ANO7: variants seen among roughly 807,000 people sequenced by gnomAD.
ANO7 encodes the protein anoctamin-7.
In ANO7, 114 loss-of-function variants were observed where a neutral mutation model predicts 115.8. The ratio of observed to expected loss-of-function variants is 0.98; its 90% CI spans 0.85 to 1.15. The LOEUF is 1.15. Among genes scored for constraint, ANO7 ranks in the 50% most tolerant of loss-of-function variants. ANO7 has a pLI of 0.00. For missense variants in ANO7, 1,302 were observed against 1,201.2 expected (o/e 1.08, Z -1.24); for synonymous variants, 550 against 498.2 (o/e 1.10, Z -1.38).
intron 20 of ANO7, 28 bp from the exon 21 acceptor site, chr2:241,218,211 G>T (rs201395653): frequency 1.5e-6 from 2 of 1,360,598 alleles, no homozygotes; most frequent in Non-Finnish European, 1.9e-6. Context: ...AGCGGGGGCC[G>T]CCTCGCGCTG....
rs1189000729 is a variant in ANO7, at chr2:241,192,440, C to A, written c.166+1189C>A. Among the ~76,000 whole-genome samples, 3 of 152,288 alleles carry A rather than the reference C, an allele frequency of 2.0e-5. No individual in the cohort carries two copies. In the South Asian group the frequency reaches 6.2e-4, roughly 32 times the overall value. On this transcript the variant is annotated intron_variant, in intron 3 of 24. Transcript: ENST00000674324. ...TGAGGCAGGGCTGGTGGCTTAGAGG[C>A]CTCTCTTTTGGCTTTTGCAGACGCG...
chr2:241,236,470 C>T, the ANO7 span: 1,625 of 787,126 alleles, frequency 2.1e-3, 35 homozygotes, highest in East Asian at 0.036. Context: ...AAGCACAGCC[C>T]GTGCGCACAC....
rs4675823 is a variant in ANO7, at chr2:241,201,897, C to T, written c.613-297C>T. ...GTGCAGGTCCAGAGTGGGCTGCGCA[C>T]GGCCAGGCAGGGGCCCAGCTTCAGG... On this transcript the variant is annotated intron_variant, in intron 7 of 24. Transcript: ENST00000674324. Among the ~76,000 whole-genome samples, 6,802 of 152,300 alleles carry T rather than the reference C, an allele frequency of 0.045. 728 individuals carry two copies. In the East Asian group the frequency reaches 0.45, roughly 10 times the overall value.
rs138179358 is a variant in ANO7 at position 241,212,195 on chromosome 2, T to A, written c.1663T>A (p.Phe555Ile). The change falls in exon 16 of 25, where the codon TTC (phenylalanine) becomes ATC (isoleucine). Residue 555 changes from phenylalanine (F) to isoleucine (I), a missense_variant. Coordinates refer to ENST00000674324, the MANE Select transcript of ANO7 (RefSeq NM_001370694.2). ...FYSSPVYIAF[F>I]KGRFVGYPGN... Reference sequence around the variant, plus strand: ...CTCCTCACCCGTCTACATTGCCTTCTTCAAGGGCAGGTTGGTGGGCACCTC... The same window carrying A: ...CTCCTCACCCGTCTACATTGCCTTCATCAAGGGCAGGTTGGTGGGCACCTC... 74 of 1,613,810 alleles carry A rather than the reference T, an allele frequency of 4.6e-5. No homozygotes were observed. The African/African-American group carries it at 9.2e-4, about 20-fold the overall frequency.
chr2:241,218,501 C>T, intron 21 of ANO7, 120 bp downstream of exon 21: 4 of 679,214 alleles, frequency 5.9e-6, no homozygotes, highest in Non-Finnish European at 7.8e-6. Flanking sequence ...CCGGGCAAGG[C>T]CGGGGGAGGG....
Position 241,218,229 on chromosome 2 carries a change from C to G in ANO7, c.2179-10C>G. ...GGGGGCCGCCTCGCGCTGACCCCTC[C>G]GGCGCCCAGGCCTTCCTCCTGGCCT... On this transcript the variant is annotated splice_polypyrimidine_tract_variant and intron_variant, in intron 20 of 24. Coordinates refer to ENST00000674324, the MANE Select transcript of ANO7 (RefSeq NM_001370694.2). 4 of 1,470,048 alleles carry G rather than the reference C, an allele frequency of 2.7e-6. No individual in the cohort carries two copies. Among genetic ancestry groups the G allele is most frequent in the Non-Finnish European group, 3.6e-6 (4 of 1,114,356 alleles). 91.1% of individuals were successfully genotyped at this position (1,470,048 alleles called of 1,614,324 possible).
chr2:241,228,921 C>T (rs2069391253), downstream of ANO7: 1 of 152,904 alleles, frequency 6.5e-6, no homozygotes, highest in Non-Finnish European at 1.5e-5. Flanking sequence ...ACTCACCAGA[C>T]CTCAGGCTGA....
chr2:241,224,226 C>A lies in ANO7; in HGVS notation c.*73C>A. On this transcript the variant is annotated 3_prime_UTR_variant, in exon 25 of 25. Transcript: ENST00000674324. ...GCCCTGCGAGCAGCGTCCTTTTCCTCTTCCCTCAGGCAGCGGCTGTGTGAA... is the reference window on the plus strand; with the variant it reads ...GCCCTGCGAGCAGCGTCCTTTTCCTATTCCCTCAGGCAGCGGCTGTGTGAA... The A allele has an allele frequency of 6.5e-7, 1 of 1,542,244 alleles. No individual in the cohort carries two copies.
the ANO7 span, among the ~76,000 whole-genome samples, chr2:241,237,021 C>T: frequency 2.0e-5 from 3 of 147,568 alleles, no homozygotes; most frequent in African/African-American, 7.7e-5. Context: ...GCCGGGAGGC[C>T]GTGAGCTCTG....
chr2:241,195,621 C>T (rs2068307103), intron 3 of ANO7, 82 bp from the exon 4 acceptor site: 7 of 1,408,878 alleles, frequency 5.0e-6, no homozygotes, highest in Middle Eastern at 2.3e-4. Flanking sequence ...CACTGCGTCC[C>T]GGCTGGGATG....
At chr2:241,214,982 G>A (rs947223542) in intron 18 of ANO7, 80 bp downstream of exon 18, 65 of 1,302,676 alleles carry the variant, frequency 5.0e-5, no homozygotes, top group African/African-American at 5.9e-5. Flanking sequence ...CCTCCAGCCC[G>A]GCCCTAGCTG....
downstream of ANO7, chr2:241,230,632 C>T: frequency 1.2e-6 from 1 of 815,490 alleles, no homozygotes. The surrounding 1 kb of genome is among the most constrained non-coding windows in gnomAD (Gnocchi z 5.0). Flanking sequence ...AGGACAGTTC[C>T]ACTGCCAGCC....
intron 21 of ANO7, 138 bp downstream of exon 21, chr2:241,218,519 TGGGGGCGCCGTGGGCA>T: frequency 9.0e-6 from 1 of 111,010 alleles, no homozygotes; most frequent in Non-Finnish European, 1.3e-5. Flanking sequence ...GGGGGGGAGC[TGGGGGCGCCGTGGGCA>T]GGGGCTGGGG....
intron 3 of ANO7, 115 bp from the exon 4 acceptor site, chr2:241,195,588 G>T: frequency 1.0e-6 from 1 of 992,174 alleles, no homozygotes. Flanking sequence ...AACCGGCCCT[G>T]AGTGTCCAAG....
chr2:241,191,554 T>G (rs1358190149), intron 3 of ANO7, among the ~76,000 whole-genome samples: 3 of 152,028 alleles, frequency 2.0e-5, no homozygotes, highest in South Asian at 2.1e-4. Context: ...CAGCCACAAC[T>G]CAGGTCATTT....
At position 241,224,445 on chromosome 2, in the gene ANO7, C is replaced by T; in HGVS notation, c.*292C>T. ...CCCAAGGGACCCTGTCCCTCGGTGG[C>T]CTCCCCAGGCCCCTGGACACGACAG... On this transcript the variant is annotated 3_prime_UTR_variant, in exon 25 of 25. Coordinates refer to ENST00000674324, the MANE Select transcript of ANO7 (RefSeq NM_001370694.2). The T allele has an allele frequency of 4.5e-6, 2 of 444,198 alleles. No homozygotes were observed. The highest frequency in any genetic ancestry group is 8.3e-6 in the Non-Finnish European group (2 of 241,334). The allele number at this position is 444,198 out of a possible 1,614,324, so 27.5% of individuals were successfully genotyped here. A position where few individuals can be genotyped will look rare whatever the true frequency, so the allele number is the denominator to read the frequency against.
intron 6 of ANO7, 42 bp downstream of exon 6, chr2:241,200,267 G>A: frequency 1.3e-6 from 2 of 1,592,794 alleles, no homozygotes; most frequent in Non-Finnish European, 1.7e-6. Flanking sequence ...GAACAGGAGT[G>A]AGTGGGAGTC....
chr2:241,191,155 C>T, intron 2 of ANO7, 39 bp from the exon 3 acceptor site: 9 of 1,612,292 alleles, frequency 5.6e-6, no homozygotes, highest in Non-Finnish European at 7.6e-6. Context: ...AGGGCAGATG[C>T]TGATGCTGAT....
intron 21 of ANO7, among the ~76,000 whole-genome samples, chr2:241,219,235 G>A (rs567514397): frequency 6.6e-6 from 1 of 152,334 alleles, no homozygotes; most frequent in East Asian, 1.9e-4. Context: ...AAGCATCATA[G>A]TCTCCTAATG....
Sources: gnomAD v4.1 joint callset for allele counts (sites outside exome capture counted in the v4.1 genomes callset) on GRCh38, gnomAD v4.1.1 for gene constraint, Gnocchi (gnomAD v3.1) non-coding constraint, MANE v1.5 for transcripts, NCBI Gene and HGNC (gene_info 2026-07-23, HGNC 2026-07-21) for gene names.